Variants in RIPOR3 observed in about 807,000 individuals in gnomAD.
RIPOR3 encodes RIPOR family member 3.
In RIPOR3, 95 loss-of-function variants were observed where a neutral mutation model predicts 114.3. The ratio of observed to expected loss-of-function variants is 0.83; its 90% CI spans 0.70 to 0.99. The LOEUF is 0.99. Ranked by LOEUF, RIPOR3 falls within the 50% of genes least tolerant of loss-of-function variation. The probability of loss-of-function intolerance (pLI) is 0.00; values close to 1 mark genes in which losing one functional copy is unlikely to be tolerated. For missense variants in RIPOR3, 1,252 were observed against 1,266.9 expected (o/e 0.99, Z 0.18); for synonymous variants, 575 against 543.8 (o/e 1.06, Z -0.80).
rs141940949 is a variant in RIPOR3 at position 50,597,629 on chromosome 20, C to T, written c.1741G>A (p.Asp581Asn). The change falls in exon 14 of 22, where the codon GAC becomes AAC. Residue 581 changes from aspartate (D) to asparagine (N), a missense_variant. Transcript: ENST00000327979. ...ILESFAFLNA[D>N]FALDELSLFG... ...AGGGACAGCTCATCCAGGGCGAAGT[C>T]GGCATTGAGGAAGGCGAAGCTCTCC... 127 of 1,611,962 alleles carry T rather than the reference C, an allele frequency of 7.9e-5. No individual in the cohort carries two copies. Among genetic ancestry groups the T allele is most frequent in the African/African-American group, 4.3e-4 (32 of 74,980 alleles).
rs1350504583 is a variant in RIPOR3, at chr20:50,670,619, C to T, written c.3+20507G>A. ...GTACAGCATGGATATCCGTCACCAG[C>T]GGTGCATTCCCCTAGGCAGGCACCA... On this transcript the variant is annotated intron_variant, in intron 1 of 21. Transcript: ENST00000327979. Among the ~76,000 whole-genome samples, 9 of 152,170 alleles carry T rather than the reference C, an allele frequency of 5.9e-5. No homozygotes were observed. In the East Asian group the frequency reaches 7.7e-4, roughly 13 times the overall value.
intron 1 of RIPOR3, among the ~76,000 whole-genome samples, chr20:50,662,610 G>A (rs903868413): frequency 2.0e-5 from 3 of 152,174 alleles, no homozygotes; most frequent in African/African-American, 7.2e-5. Context: ...CCCTCCTCTC[G>A]GGTGGCCCAC....
chr20:50,644,358 C>A (rs56796533), intron 1 of RIPOR3, among the ~76,000 whole-genome samples: 7 of 152,296 alleles, frequency 4.6e-5, no homozygotes, highest in Admixed American at 2.0e-4. Flanking sequence ...CTAGTCTTTT[C>A]TTGTGCACAG....
chr20:50,594,914 G>C (rs1484297183), intron 16 of RIPOR3, 200 bp from the exon 17 acceptor site: 3 of 572,786 alleles, frequency 5.2e-6, no homozygotes, highest in Non-Finnish European at 9.2e-6. Flanking sequence ...ACCACCTGCA[G>C]TCCCCACAAC....
intron 4 of RIPOR3, among the ~76,000 whole-genome samples, chr20:50,615,112 T>TGTGA (rs1485608083): frequency 4.5e-5 from 6 of 133,918 alleles, no homozygotes; most frequent in Admixed American, 4.4e-4. Flanking sequence ...TTTGTGAGTG[T>TGTGA]GTGTGTGTGT....
chr20:50,658,555 T>G (rs2085891531), intron 1 of RIPOR3, among the ~76,000 whole-genome samples: 1 of 152,010 alleles, frequency 6.6e-6, no homozygotes, highest in Non-Finnish European at 1.5e-5. Flanking sequence ...AAAATAAAAC[T>G]TTTTAAAAAT....
chr20:50,601,995 TG>T (rs1376422805), intron 13 of RIPOR3, 76 bp downstream of exon 13: 2 of 1,366,422 alleles, frequency 1.5e-6, no homozygotes, highest in Admixed American at 5.8e-5. Context: ...CCAGGCTGCG[TG>T]GCCCCAGAGC....
intron 18 of RIPOR3, 135 bp from the exon 19 acceptor site, chr20:50,592,681 G>T: frequency 2.5e-6 from 2 of 807,736 alleles, no homozygotes; most frequent in Non-Finnish European, 3.6e-6. Flanking sequence ...CCAAGGCCCA[G>T]CCTGGACTAA....
intron 1 of RIPOR3, among the ~76,000 whole-genome samples, chr20:50,678,616 C>G (rs541385430): frequency 2.6e-5 from 4 of 152,204 alleles, no homozygotes; most frequent in Admixed American, 2.6e-4. Context: ...CGGAACTGAT[C>G]TCACGTCCAT....
At chr20:50,655,758 ACT>A (rs1474018171) in intron 1 of RIPOR3, among the ~76,000 whole-genome samples, 1 of 151,474 alleles carries the variant, frequency 6.6e-6, no homozygotes, top group African/African-American at 2.4e-5. Context: ...CAGCCAGGAC[ACT>A]CTGCTCTTCT....
chr20:50,675,523 C>T (rs2086651068), intron 1 of RIPOR3, among the ~76,000 whole-genome samples: 1 of 152,240 alleles, frequency 6.6e-6, no homozygotes, highest in Non-Finnish European at 1.5e-5. Flanking sequence ...CTAAAGCCCA[C>T]TTTTAAGGAC....
At chr20:50,689,172 CTTTTTTTTTT>C (rs71964773) in intron 1 of RIPOR3, among the ~76,000 whole-genome samples, 17 of 88,820 alleles carry the variant, frequency 1.9e-4, no homozygotes, top group Admixed American at 2.6e-4. Context: ...CTCCAAACTT[CTTTTTTTTTT>C]TTTTTTTTTT....
At chr20:50,679,206 TAC>T (rs1289870607) in intron 1 of RIPOR3, among the ~76,000 whole-genome samples, 2 of 138,178 alleles carry the variant, frequency 1.4e-5, no homozygotes, top group Non-Finnish European at 3.1e-5. Flanking sequence ...AAAATATATA[TAC>T]CTCAAAAAAT....
intron 1 of RIPOR3, among the ~76,000 whole-genome samples, chr20:50,668,920 C>T (rs561279603): frequency 6.6e-6 from 1 of 152,106 alleles, no homozygotes; most frequent in African/African-American, 2.4e-5. Flanking sequence ...CCACACATGG[C>T]TCATGCATGC....
chr20:50,650,822 C>T (rs2426195), intron 1 of RIPOR3, among the ~76,000 whole-genome samples: 5,862 of 152,244 alleles, frequency 0.039, 384 homozygotes, highest in African/African-American at 0.13. Flanking sequence ...TTCTCTAACC[C>T]GTAATACTCA....
chr20:50,648,936 G>A (rs1412403470), intron 1 of RIPOR3, among the ~76,000 whole-genome samples: 1 of 152,130 alleles, frequency 6.6e-6, no homozygotes, highest in African/African-American at 2.4e-5. Flanking sequence ...CCATGGACAA[G>A]TACAAGTCCA....
rs1206421380 is a variant in RIPOR3, at chr20:50,691,015, C to T, written c.3+111G>A. 4 of 1,263,190 alleles carry T rather than the reference C, an allele frequency of 3.2e-6. No individual in the cohort carries two copies. The Admixed American group carries it at 9.2e-5, about 29-fold the overall frequency. 78.2% of individuals were successfully genotyped at this position (1,263,190 alleles called of 1,614,324 possible). On this transcript the variant is annotated intron_variant, in intron 1 of 21. Transcript: ENST00000327979. ...GTTCCCTCCTCCGGCCTTGGGAGCT[C>T]CAGGTGGCCTGTGAGGAACGGCTGC...
At chr20:50,604,224 TGCTG>T (rs1320535932) in intron 12 of RIPOR3, among the ~76,000 whole-genome samples, 1 of 151,428 alleles carries the variant, frequency 6.6e-6, no homozygotes, top group Non-Finnish European at 1.5e-5. Context: ...CGTATACACT[TGCTG>T]GTAGATGGAT....
At chr20:50,587,515 T>G (rs2082958413) in intron 21 of RIPOR3, among the ~76,000 whole-genome samples, 183 bp from the exon 22 acceptor site, 1 of 152,162 alleles carries the variant, frequency 6.6e-6, no homozygotes. Flanking sequence ...GGCCTTGTCT[T>G]TACCTCTAGG....
Sources: allele counts gnomAD v4.1 joint callset (sites outside exome capture counted in the v4.1 genomes callset), GRCh38; gene constraint gnomAD v4.1.1; transcripts MANE v1.5; gene names NCBI Gene and HGNC (gene_info 2026-07-23, HGNC 2026-07-21).